The following EFR3A variants were observed in gnomAD, a reference collection of about 807,000 sequenced individuals.
The protein encoded by EFR3A is protein EFR3 homolog A.
Under a neutral mutation model 104.4 loss-of-function variants are expected in EFR3A, and 76 were observed. That is an observed-to-expected ratio of 0.73 (90% confidence interval 0.60 to 0.88). EFR3A has a LOEUF of 0.88. EFR3A is among the 40% of genes least tolerant of loss of function. The pLI is 0.00. For synonymous variants in EFR3A, 330 were observed against 330.0 expected, an observed-to-expected ratio of 1.00 and a Z score of 0.00; for missense variants, 985 against 1,012.5, an observed-to-expected ratio of 0.97 and a Z score of 0.37.
Position 131,904,157 on chromosome 8 carries a change from A to G in EFR3A, c.-156A>G. 1.1e-6 allele frequency: 1 copy of G among 891,196 alleles called. No homozygotes were observed. The highest frequency in any genetic ancestry group is 5.4e-5 in the South Asian group (1 of 18,416). The allele number at this position is 891,196 out of a possible 1,614,324, so 55.2% of individuals were successfully genotyped here. A position where few individuals can be genotyped will look rare whatever the true frequency, so the allele number is the denominator to read the frequency against. ...TAGCTGTCGCCCGCTTGGTTGCGTG[A>G]CCGCGGGGTCCGCGTCCGCTCCCTC... is the stretch of plus-strand genomic sequence containing the variant. On this transcript the variant is annotated 5_prime_UTR_variant, in exon 1 of 23. Transcript: ENST00000254624.
At chr8:131,966,804 G>A (rs951901427) in intron 8 of EFR3A, among the ~76,000 whole-genome samples, 1 of 152,076 alleles carries the variant, frequency 6.6e-6, no homozygotes, top group Admixed American at 6.6e-5. Flanking sequence ...TTCAGTGTAA[G>A]GGCAAATTTT....
intron 22 of EFR3A, among the ~76,000 whole-genome samples, chr8:132,008,864 A>G (rs1281247204): frequency 1.3e-5 from 2 of 148,584 alleles, no homozygotes; most frequent in Non-Finnish European, 3.0e-5. Flanking sequence ...AAAAAAAAAA[A>G]AAAAAAAAAA....
At chr8:131,977,790 C>T (rs895726016) in intron 12 of EFR3A, among the ~76,000 whole-genome samples, 2 of 151,946 alleles carry the variant, frequency 1.3e-5, no homozygotes, top group African/African-American at 4.8e-5. Context: ...GTTTATGGCG[C>T]TTGTCATTTA....
intron 9 of EFR3A, among the ~76,000 whole-genome samples, chr8:131,969,559 C>T (rs1210790376): frequency 1.3e-5 from 2 of 150,102 alleles, no homozygotes; most frequent in Admixed American, 6.6e-5. Context: ...TTTTTTCCCC[C>T]GAATATTTTC....
At chr8:132,009,670 G>A (rs187373879) in intron 22 of EFR3A, among the ~76,000 whole-genome samples, 46 of 152,090 alleles carry the variant, frequency 3.0e-4, no homozygotes, top group African/African-American at 1.1e-3. Flanking sequence ...AGGAAGGGTC[G>A]GGGGAAGTTT....
At chr8:131,949,412 A>G (rs1002077474) in intron 4 of EFR3A, among the ~76,000 whole-genome samples, 2 of 152,174 alleles carry the variant, frequency 1.3e-5, no homozygotes, top group African/African-American at 4.8e-5. Context: ...TGTTCTTTGT[A>G]CAATGATAAA....
chr8:131,986,124 C>A, intron 16 of EFR3A, 70 bp from the exon 17 acceptor site: 2 of 676,312 alleles, frequency 3.0e-6, no homozygotes, highest in South Asian at 2.3e-5. Context: ...AAGCTGTTTT[C>A]TGAATTTTTA....
intron 18 of EFR3A, among the ~76,000 whole-genome samples, chr8:131,995,290 A>C: frequency 6.6e-6 from 1 of 152,124 alleles, no homozygotes; most frequent in East Asian, 1.9e-4. Flanking sequence ...AGAATACACA[A>C]AGTGACTTCC....
chr8:131,944,619 A>G (rs1029335419), intron 2 of EFR3A, 126 bp from the exon 3 acceptor site: 2 of 960,288 alleles, frequency 2.1e-6, no homozygotes, highest in African/African-American at 1.7e-5. Context: ...GGTTATGTGC[A>G]GAAGGGTTCT....
intron 10 of EFR3A, among the ~76,000 whole-genome samples, chr8:131,972,969 T>C (rs1042346384): frequency 7.3e-5 from 11 of 151,158 alleles, no homozygotes; most frequent in African/African-American, 2.7e-4. Flanking sequence ...CACCAGTTCT[T>C]GTACTAGGGC....
rs375192127 is a variant in EFR3A, at chr8:131,970,560, G to A, written c.1076G>A (p.Gly359Glu). ...VEFEANDLQGGSVGSVNLNTS... is the reference protein window; with the variant it reads ...VEFEANDLQGESVGSVNLNTS... ...TTCGAAGCAAATGATTTACAGGGGG[G>A]ATCTGTAGGCAGTGTCAACTTAAAT... is the stretch of plus-strand genomic sequence containing the variant. Residue 359 changes from glycine (G) to glutamate (E), a missense_variant, in exon 10 of 23, where the codon GGA becomes GAA. Coordinates refer to ENST00000254624, the MANE Select transcript of EFR3A (RefSeq NM_015137.6). 5 of 1,613,702 alleles carry A rather than the reference G, an allele frequency of 3.1e-6. No individual in the cohort carries two copies. Among genetic ancestry groups the A allele is most frequent in the East Asian group, 2.2e-5 (1 of 44,858 alleles).
intron 20 of EFR3A, 148 bp from the exon 21 acceptor site, chr8:132,002,455 G>A: frequency 3.4e-6 from 2 of 583,270 alleles, no homozygotes; most frequent in Non-Finnish European, 5.7e-6. Flanking sequence ...ACATTTCATG[G>A]ATGTTAGGCC....
intron 9 of EFR3A, among the ~76,000 whole-genome samples, chr8:131,969,491 T>C (rs917142911): frequency 2.6e-5 from 4 of 151,934 alleles, no homozygotes; most frequent in African/African-American, 9.7e-5. Context: ...ATGTGATTAG[T>C]TGTTACACTG....
intron 8 of EFR3A, among the ~76,000 whole-genome samples, chr8:131,964,192 A>C (rs1427053706): frequency 6.6e-6 from 1 of 151,348 alleles, no homozygotes; most frequent in South Asian, 2.1e-4. Flanking sequence ...CACCACTCGT[A>C]TTCAACATAG....
At position 132,010,880 on chromosome 8, in the gene EFR3A, T is replaced by C; in HGVS notation, c.2451T>C (p.Asp817=). The stretch of plus-strand genomic sequence containing the variant: ...CAGTCTATGAGATGAAGTTTCCAGA[T>C]CTGTGTGTGTACTGATCGGCGCATG... ...SVPVYEMKFP[D]LCVY The change falls in exon 23 of 23, where the codon GAT becomes GAC. Residue 817 remains aspartate, a synonymous_variant. Coordinates refer to ENST00000254624, the MANE Select transcript of EFR3A (RefSeq NM_015137.6). The C allele has an allele frequency of 6.2e-7, 1 of 1,612,322 alleles. No individual in the cohort carries two copies.
intron 8 of EFR3A, among the ~76,000 whole-genome samples, chr8:131,966,019 C>T (rs1368022036): frequency 6.6e-6 from 1 of 151,916 alleles, no homozygotes; most frequent in East Asian, 1.9e-4. Flanking sequence ...AGTGAGAACA[C>T]ATGGACACAG....
chr8:131,955,774 A>T lies in EFR3A; in HGVS notation c.645A>T (p.Ile215=). Reference sequence around the variant, plus strand: ...ATTTCTCGTTCCTTTTTAGTCGCATAGGCCCTCCTTCTTCTCCTTCTGCAA... The same window carrying T: ...ATTTCTCGTTCCTTTTTAGTCGCATTGGCCCTCCTTCTTCTCCTTCTGCAA... ...MQKIEEVDSR[I]GPPSSPSATD... is the part of the protein sequence containing the mutation. Residue 215 remains isoleucine (I), a synonymous_variant, in exon 7 of 23, where the codon ATA becomes ATT. Coordinates refer to ENST00000254624, the MANE Select transcript of EFR3A (RefSeq NM_015137.6). The T allele has an allele frequency of 6.2e-7, 1 of 1,612,514 alleles. No homozygotes were observed. Among genetic ancestry groups the T allele is most frequent in the South Asian group, 1.1e-5 (1 of 90,792 alleles).
At chr8:131,932,209 A>G (rs142860351) in intron 1 of EFR3A, among the ~76,000 whole-genome samples, 3 of 152,060 alleles carry the variant, frequency 2.0e-5, no homozygotes, top group Non-Finnish European at 4.4e-5. Context: ...TTTATTTTTT[A>G]TGAGAATTTT....
chr8:131,989,584 A>C (rs1407681984), intron 18 of EFR3A, among the ~76,000 whole-genome samples: 1 of 152,184 alleles, frequency 6.6e-6, no homozygotes, highest in Non-Finnish European at 1.5e-5. Context: ...AAATTATTTG[A>C]TTTCACTATT....
Sources: allele counts gnomAD v4.1 joint callset (sites outside exome capture counted in the v4.1 genomes callset), GRCh38; gene constraint gnomAD v4.1.1; transcripts MANE v1.5; gene names NCBI Gene and HGNC (gene_info 2026-07-23, HGNC 2026-07-21).